The following BCAS3 variants were observed in gnomAD, a reference collection of about 807,000 sequenced individuals.
BCAS3 encodes the protein BCAS3 microtubule associated cell migration factor.
In BCAS3, 53 loss-of-function variants were observed where a neutral mutation model predicts 116.1. That is an observed-to-expected ratio of 0.46 (90% CI 0.37 to 0.57). The LOEUF (loss-of-function observed/expected upper bound fraction) is 0.57. Among genes scored for constraint, BCAS3 ranks in the 20% least tolerant of loss-of-function variants. The pLI, the probability that BCAS3 is intolerant of heterozygous loss-of-function variation, is 0.00. For missense variants in BCAS3, 917 were observed against 1,165.4 expected, an observed-to-expected ratio of 0.79 and a Z score of 3.10; for synonymous variants, 391 against 408.2, an observed-to-expected ratio of 0.96 and a Z score of 0.51.
chr17:61,018,905 C>T (rs141137266), intron 16 of BCAS3, among the ~76,000 whole-genome samples: 18 of 152,262 alleles, frequency 1.2e-4, no homozygotes, highest in Non-Finnish European at 2.2e-4. Context: ...TGTAGCATAG[C>T]TTTAGTGTAC....
At position 61,128,526 on chromosome 17, in the gene BCAS3, C is replaced by T; in HGVS notation, c.2425+43962C>T. The T allele has an allele frequency of 1.0e-6, 1 of 985,362 alleles. No homozygotes were observed. Among genetic ancestry groups the T allele is most frequent in the Non-Finnish European group, 1.2e-6 (1 of 829,880 alleles). 61.0% of individuals were successfully genotyped at this position (985,362 alleles called of 1,614,324 possible). On this transcript the variant is annotated intron_variant, in intron 22 of 23. Transcript: ENST00000407086. This position sits in a 1 kb window ranked among gnomAD's most constrained non-coding sequence, Gnocchi z 4.1. Reference sequence around the variant, plus strand: ...CAATGGACAAACCTTCCGTTCTTCTCTATCCCAAATCGTTTGAATCGTTTG... The same window carrying T: ...CAATGGACAAACCTTCCGTTCTTCTTTATCCCAAATCGTTTGAATCGTTTG...
At position 61,352,072 on chromosome 17, in the gene BCAS3, A is replaced by G. The variant is rs1383849800; in HGVS notation, c.2426-16255A>G. On this transcript the variant is annotated intron_variant, in intron 22 of 23. Transcript: ENST00000407086. This position sits in a 1 kb window ranked among gnomAD's most constrained non-coding sequence, Gnocchi z 4.7. ...CCAATCTGAGGGATACAAGAAAACT[A>G]TTCTAGTAGTTTTTCAACCCTAAAG... is the stretch of plus-strand genomic sequence containing the variant. Among the ~76,000 whole-genome samples the G allele has an allele frequency of 2.6e-5, 4 of 152,208 alleles. No individual in the cohort carries two copies. Among genetic ancestry groups the G allele is most frequent in the Non-Finnish European group, 5.9e-5 (4 of 68,028 alleles).
intron 22 of BCAS3, among the ~76,000 whole-genome samples, chr17:61,260,464 C>T (rs978577503): frequency 3.3e-5 from 5 of 152,112 alleles, no homozygotes; most frequent in African/African-American, 1.2e-4. Flanking sequence ...ACAATGGGAA[C>T]GTGTTATAAA....
rs1308227737 is a variant in BCAS3 at position 61,140,096 on chromosome 17, G to A, written c.2425+55532G>A. On this transcript the variant is annotated intron_variant, in intron 22 of 23. Transcript: ENST00000407086. This position sits in a 1 kb window ranked among gnomAD's most constrained non-coding sequence, Gnocchi z 4.2. ...ACTAAAAATACAAAAAATTAGCTGG[G>A]CGTGGTGGTGCATTCCTGTAAACCC... 6.6e-6 allele frequency among the ~76,000 whole-genome samples: 1 copy of A among 152,076 alleles called. No homozygotes were observed. The highest frequency in any genetic ancestry group is 1.5e-5 in the Non-Finnish European group (1 of 68,020).
At chr17:60,966,354 C>A (rs138767511) in intron 14 of BCAS3, among the ~76,000 whole-genome samples, 83 of 152,312 alleles carry the variant, frequency 5.4e-4, no homozygotes, top group African/African-American at 1.6e-3. Context: ...TAAGAAGATA[C>A]TACTGCCATT....
intron 22 of BCAS3, among the ~76,000 whole-genome samples, chr17:61,193,016 C>T (rs2080241204): frequency 6.6e-6 from 1 of 152,194 alleles, no homozygotes; most frequent in South Asian, 2.1e-4. Flanking sequence ...AATCCCAGCA[C>T]TTTGGGAGGT....
At chr17:60,819,239 C>G (rs772351579) in intron 7 of BCAS3, among the ~76,000 whole-genome samples, 2 of 151,976 alleles carry the variant, frequency 1.3e-5, no homozygotes, top group Non-Finnish European at 2.9e-5. Flanking sequence ...GCAAAGGGCC[C>G]GGAACATTAC....
intron 7 of BCAS3, among the ~76,000 whole-genome samples, chr17:60,826,882 A>G (rs1317059640): frequency 6.6e-6 from 1 of 152,234 alleles, no homozygotes; most frequent in Non-Finnish European, 1.5e-5. Context: ...CGTGGATGAT[A>G]TTAGGCCTTC....
chr17:61,365,774 T>C lies in BCAS3; in HGVS notation c.2426-2553T>C, dbSNP rs1445049685. ...TTTCTAGAGACAGACCTCCTGCTCT[T>C]GTGAAGTGAGAAAACAAATGGTCAT... On this transcript the variant is annotated intron_variant, in intron 22 of 23. Transcript: ENST00000407086. The surrounding 1 kb of genome is among the most constrained non-coding windows in gnomAD (Gnocchi z 4.6). Among the ~76,000 whole-genome samples the C allele has an allele frequency of 1.3e-5, 2 of 152,188 alleles. No homozygotes were observed. The highest frequency in any genetic ancestry group is 4.8e-5 in the African/African-American group (2 of 41,440).
In BCAS3 at chr17:61,068,201, A is replaced by G. The variant is rs1600934821; in HGVS notation, c.2030-6719A>G. On this transcript the variant is annotated intron_variant, in intron 19 of 23. Transcript: ENST00000407086. This position sits in a 1 kb window ranked among gnomAD's most constrained non-coding sequence, Gnocchi z 4.3. The stretch of plus-strand genomic sequence containing the variant: ...TTGGTCCATTGAACTTGGATTTGCA[A>G]GATATGTAACTTTATTTTTCTTTAA... 1.3e-5 allele frequency among the ~76,000 whole-genome samples: 2 copies of G among 152,196 alleles called. No homozygotes were observed. Among genetic ancestry groups the G allele is most frequent in the East Asian group, 1.9e-4 (1 of 5,200 alleles).
intron 7 of BCAS3, among the ~76,000 whole-genome samples, chr17:60,845,816 A>G (rs2052471778): frequency 7.2e-6 from 1 of 139,030 alleles, no homozygotes; most frequent in African/African-American, 2.7e-5. Flanking sequence ...TCTCTCTTTC[A>G]CAAAGTCTCA....
chr17:61,117,377 G>GA (rs199943040), intron 22 of BCAS3, among the ~76,000 whole-genome samples: 2,956 of 152,290 alleles, frequency 0.019, 38 homozygotes, highest in Middle Eastern at 0.061. Flanking sequence ...AGAATTGCTT[G>GA]AAGCCAGGAG....
chr17:61,336,220 T>C (rs2143174241), intron 22 of BCAS3, among the ~76,000 whole-genome samples: 1 of 152,398 alleles, frequency 6.6e-6, no homozygotes, highest in South Asian at 2.1e-4. Context: ...GTTATTTGGC[T>C]GTTTGCTTTG....
chr17:61,268,359 C>T (rs1307139417), intron 22 of BCAS3, among the ~76,000 whole-genome samples: 1 of 152,138 alleles, frequency 6.6e-6, no homozygotes, highest in African/African-American at 2.4e-5. Flanking sequence ...ACCACTACCA[C>T]AATTTTTTCA....
At chr17:60,810,663 C>A in intron 7 of BCAS3, 1 of 670,214 alleles carries the variant, frequency 1.5e-6, no homozygotes, top group South Asian at 1.4e-5. Flanking sequence ...ACTTTAGAGT[C>A]AAGTATGAGA....
intron 6 of BCAS3, among the ~76,000 whole-genome samples, chr17:60,771,686 T>A (rs1418137510): frequency 2.6e-5 from 4 of 152,230 alleles, no homozygotes; most frequent in African/African-American, 9.7e-5. Context: ...TATCTCCTAA[T>A]GCTATCCCTC....
Position 60,964,974 on chromosome 17 carries a change from T to A in BCAS3, c.1221+17622T>A, listed in dbSNP as rs2061581158. On this transcript the variant is annotated intron_variant, in intron 14 of 23. Transcript: ENST00000407086. The surrounding 1 kb of genome is among the most constrained non-coding windows in gnomAD (Gnocchi z 4.6). Reference sequence around the variant, plus strand: ...CAAGACTTGTTGATTTTGTTTACATTTTTGAAAACCAATGTTTTGTTCTAT... The same window carrying A: ...CAAGACTTGTTGATTTTGTTTACATATTTGAAAACCAATGTTTTGTTCTAT... 6.6e-6 allele frequency among the ~76,000 whole-genome samples: 1 copy of A among 152,102 alleles called. No individual in the cohort carries two copies. The highest frequency in any genetic ancestry group is 2.4e-5 in the African/African-American group (1 of 41,452).
rs1439052326 is a variant in BCAS3, at chr17:61,208,296, TC to T, written c.2425+123735del. ...TTTGTCTAAAGCGGGACTCTTCTCC[TC>T]CCAGGGACCAGAGAATTTTCTTCTT... On this transcript the variant is annotated intron_variant, in intron 22 of 23. Transcript: ENST00000407086. The surrounding 1 kb of genome is among the most constrained non-coding windows in gnomAD (Gnocchi z 4.5). Among the ~76,000 whole-genome samples, 1 of 152,202 alleles carries T rather than the reference TC, an allele frequency of 6.6e-6. No individual in the cohort carries two copies. Among genetic ancestry groups the T allele is most frequent in the Non-Finnish European group, 1.5e-5 (1 of 68,040 alleles).
At chr17:61,002,707 T>G (rs1036029276) in intron 15 of BCAS3, 10 of 152,222 alleles carry the variant, frequency 6.6e-5, no homozygotes, top group African/African-American at 2.4e-4. Flanking sequence ...TAGAGGCAAA[T>G]TTTTTAGTTA....
Sources: gnomAD v4.1 joint callset for allele counts (sites outside exome capture counted in the v4.1 genomes callset) on GRCh38, gnomAD v4.1.1 for gene constraint, Gnocchi (gnomAD v3.1) non-coding constraint, MANE v1.5 for transcripts, NCBI Gene and HGNC (gene_info 2026-07-23, HGNC 2026-07-21) for gene names.